The following ALKBH6 variants were observed in gnomAD, a reference collection of about 807,000 sequenced individuals.
ALKBH6 encodes the protein probable RNA/DNA demethylase ALKBH6.
Under a neutral mutation model 25.1 loss-of-function variants are expected in ALKBH6, and 20 were observed. The observed-to-expected ratio is 0.80, with a 90% CI of 0.56 to 1.16. The LOEUF (loss-of-function observed/expected upper bound fraction) is 1.16. ALKBH6 is among the 50% of genes most tolerant of loss of function. The probability of loss-of-function intolerance (pLI) is 0.00; values close to 1 mark genes in which losing one functional copy is unlikely to be tolerated. For synonymous variants in ALKBH6, 156 were observed against 147.5 expected, an observed-to-expected ratio of 1.06 and a Z score of -0.42; for missense variants, 263 against 326.5, an observed-to-expected ratio of 0.81 and a Z score of 1.50.
chr19:36,014,053 C>T, intron 1 of ALKBH6, 122 bp downstream of exon 1: 1 of 1,534,194 alleles, frequency 6.5e-7, no homozygotes, highest in Non-Finnish European at 8.7e-7. Context: ...AGATCCCCGA[C>T]TCCGAGCCTT....
In ALKBH6 at chr19:36,013,096, T is replaced by C; in HGVS notation, c.55-7A>G. 6.2e-7 allele frequency: 1 copy of C among 1,613,138 alleles called. No individual in the cohort carries two copies. Among genetic ancestry groups the C allele is most frequent in the Non-Finnish European group, 8.5e-7 (1 of 1,179,202 alleles). On this transcript the variant is annotated splice_polypyrimidine_tract_variant and splice_region_variant and intron_variant, in intron 2 of 6. Coordinates refer to ENST00000378875, the MANE Select transcript of ALKBH6 (RefSeq NM_032878.5). The surrounding 1 kb of genome is among the most constrained non-coding windows in gnomAD (Gnocchi z 4.6). ...AGTAGATTACAGGTGGTGCCTAGGA[T>C]AGAAAGACCCCCTGAAGGTGTGGCC... is the stretch of plus-strand genomic sequence containing the variant.
chr19:36,009,337 G>T lies in ALKBH6; in HGVS notation c.670C>A (p.Arg224Ser), dbSNP rs1005450239. The T allele has an allele frequency of 1.5e-6, 2 of 1,349,088 alleles. No homozygotes were observed. Among genetic ancestry groups the T allele is most frequent in the Non-Finnish European group, 1.9e-6 (2 of 1,048,164 alleles). 83.6% of individuals were successfully genotyped at this position (1,349,088 alleles called of 1,614,324 possible). ...GCGCGCAGCACGCGGGGCACGCGGC[G>T]GATGGTCAGCGAGACCCGGGTGCCG... ...VRGTRVSLTI[R>S]RVPRVLRAGL... is the part of the protein sequence containing the mutation. The change falls in exon 7 of 7, where the codon CGC becomes AGC. Residue 224 changes from arginine to serine, a missense_variant. Physicochemically the swap from Arg to Ser is moderately radical, Grantham distance 110. Around this residue, in one of 3 missense-constraint regions of ALKBH6, gnomAD observed 148 missense variants for 157.5 expected, o/e 0.94. Transcript: ENST00000378875.
rs758745205 is a variant in ALKBH6, at chr19:36,010,572, C to T, written c.448G>A (p.Glu150Lys). Reference sequence around the variant, plus strand: ...GGCAGTGTCTGGGGGCCCACCTGTTCTGTAGGGTCATCGTCCTCTGGCCGC... The same window carrying T: ...GGCAGTGTCTGGGGGCCCACCTGTTTTGTAGGGTCATCGTCCTCTGGCCGC... Reference protein sequence around the residue: ...PRRPEDDDPTEQPRPPPRPTT... With the variant: ...PRRPEDDDPTKQPRPPPRPTT... Residue 150 changes from glutamate to lysine, a missense_variant, in exon 6 of 7, where the codon GAA (glutamate) becomes AAA (lysine). Around this residue, in one of 3 missense-constraint regions of ALKBH6, gnomAD observed 148 missense variants for 157.5 expected, o/e 0.94. Transcript: ENST00000378875. The surrounding 1 kb of genome is among the most constrained non-coding windows in gnomAD (Gnocchi z 5.5). 2 of 1,613,504 alleles carry T rather than the reference C, an allele frequency of 1.2e-6. No individual in the cohort carries two copies. Among genetic ancestry groups the T allele is most frequent in the African/African-American group, 2.7e-5 (2 of 74,890 alleles).
In ALKBH6 at chr19:36,010,753, C is replaced by T; in HGVS notation, c.337-70G>A. Reference sequence around the variant, plus strand: ...CCCCACCCTCTGGGTCAAAGGGGGGCTTCCCAAGCCAGGGACAGGGAGGTG... The same window carrying T: ...CCCCACCCTCTGGGTCAAAGGGGGGTTTCCCAAGCCAGGGACAGGGAGGTG... On this transcript the variant is annotated intron_variant, in intron 5 of 6. Transcript: ENST00000378875. This position sits in a 1 kb window ranked among gnomAD's most constrained non-coding sequence, Gnocchi z 5.5. 1.9e-6 allele frequency: 3 copies of T among 1,573,318 alleles called. No homozygotes were observed. Among genetic ancestry groups the T allele is most frequent in the Non-Finnish European group, 2.6e-6 (3 of 1,145,314 alleles).
chr19:36,012,807 C>T (rs550958525), intron 3 of ALKBH6: 1 of 553,572 alleles, frequency 1.8e-6, no homozygotes, highest in African/African-American at 1.9e-5. Flanking sequence ...TCTCAATGAT[C>T]TGAACTGGGC....
Position 36,009,274 on chromosome 19 carries a change from G to A in ALKBH6, c.*16C>T. 1 of 1,335,220 alleles carries A rather than the reference G, an allele frequency of 7.5e-7. No individual in the cohort carries two copies. The highest frequency in any genetic ancestry group is 9.6e-7 in the Non-Finnish European group (1 of 1,043,820). 82.7% of individuals were successfully genotyped at this position (1,335,220 alleles called of 1,614,324 possible). The stretch of plus-strand genomic sequence containing the variant: ...GGGCAGGAACCTGGGAATCCGAGGG[G>A]TCCCGGCCCTGGCGGTCACTTGCCC... On this transcript the variant is annotated 3_prime_UTR_variant, in exon 7 of 7. Coordinates refer to ENST00000378875, the MANE Select transcript of ALKBH6 (RefSeq NM_032878.5).
intron 4 of ALKBH6, 162 bp from the exon 5 acceptor site, chr19:36,011,207 G>T: frequency 8.7e-7 from 1 of 1,148,838 alleles, no homozygotes; most frequent in Non-Finnish European, 1.2e-6. Context: ...CAGACCACAG[G>T]TCCCTTTCAG....
intron 3 of ALKBH6, 36 bp from the exon 4 acceptor site, chr19:36,011,500 A>T: frequency 6.2e-7 from 1 of 1,610,368 alleles, no homozygotes; most frequent in South Asian, 1.1e-5. Flanking sequence ...CTTTCTCAGG[A>T]TCACCCCTCT....
rs1212920581 is a variant in ALKBH6, at chr19:36,013,972, T to C, written c.-26+203A>G. ...TCGGATTTCCCCTCCTGAGCGCCCC[T>C]TCACTCCAGCACCCTGAGATCTTTA... On this transcript the variant is annotated intron_variant, in intron 1 of 6. Transcript: ENST00000378875. This position sits in a 1 kb window ranked among gnomAD's most constrained non-coding sequence, Gnocchi z 4.6. 5 of 1,384,366 alleles carry C rather than the reference T, an allele frequency of 3.6e-6. No individual in the cohort carries two copies. In the African/African-American group the frequency reaches 7.6e-5, roughly 21 times the overall value. 85.8% of individuals were successfully genotyped at this position (1,384,366 alleles called of 1,614,324 possible).
chr19:36,010,397 G>A lies in ALKBH6; in HGVS notation c.453+170C>T, dbSNP rs1364165010. ...GGCATGTGGGACAGACACCCTGTAAGCAGATGGGTTGGGTGTCTGGGAGGA... is the reference window on the plus strand; with the variant it reads ...GGCATGTGGGACAGACACCCTGTAAACAGATGGGTTGGGTGTCTGGGAGGA... On this transcript the variant is annotated intron_variant, in intron 6 of 6. Coordinates refer to ENST00000378875, the MANE Select transcript of ALKBH6 (RefSeq NM_032878.5). The surrounding 1 kb of genome is among the most constrained non-coding windows in gnomAD (Gnocchi z 5.5). The A allele has an allele frequency of 1.5e-6, 1 of 670,480 alleles. No homozygotes were observed. The highest frequency in any genetic ancestry group is 1.8e-5 in the African/African-American group (1 of 56,090). The allele number at this position is 670,480 out of a possible 1,614,324, so 41.5% of individuals were successfully genotyped here. A position where few individuals can be genotyped will look rare whatever the true frequency, so the allele number is the denominator to read the frequency against.
chr19:36,010,519 C>A lies in ALKBH6; in HGVS notation c.453+48G>T. The stretch of plus-strand genomic sequence containing the variant: ...GGACCAGGTCATCTTGGAGGATGTG[C>A]GAGGTTGAAGTGCCTACAAGCAGCT... On this transcript the variant is annotated intron_variant, in intron 6 of 6. Transcript: ENST00000378875. This position sits in a 1 kb window ranked among gnomAD's most constrained non-coding sequence, Gnocchi z 5.5. 1 of 1,502,150 alleles carries A rather than the reference C, an allele frequency of 6.7e-7. No individual in the cohort carries two copies. 93.1% of individuals were successfully genotyped at this position (1,502,150 alleles called of 1,614,324 possible).
chr19:36,013,456 G>A lies in ALKBH6; in HGVS notation c.-25-34C>T. 1 of 1,612,540 alleles carries A rather than the reference G, an allele frequency of 6.2e-7. No individual in the cohort carries two copies. Among genetic ancestry groups the A allele is most frequent in the Non-Finnish European group, 8.5e-7 (1 of 1,179,184 alleles). ...AGGGGAGGACATACTGAAGTCACTA[G>A]GCCTCCCGCCCTAACACCATGATGC... On this transcript the variant is annotated intron_variant, in intron 1 of 6. Coordinates refer to ENST00000378875, the MANE Select transcript of ALKBH6 (RefSeq NM_032878.5). The surrounding 1 kb of genome is among the most constrained non-coding windows in gnomAD (Gnocchi z 4.6).
chr19:36,013,812 G>A lies in ALKBH6; in HGVS notation c.-26+363C>T. The stretch of plus-strand genomic sequence containing the variant: ...GAGACCCCGCTTCAGACCTGCAACT[G>A]TGAGCCCGGCTATCAACACTCAGCG... On this transcript the variant is annotated intron_variant, in intron 1 of 6. Transcript: ENST00000378875. This position sits in a 1 kb window ranked among gnomAD's most constrained non-coding sequence, Gnocchi z 4.6. The A allele has an allele frequency of 7.8e-7, 1 of 1,279,136 alleles. No individual in the cohort carries two copies. Among genetic ancestry groups the A allele is most frequent in the Non-Finnish European group, 9.9e-7 (1 of 1,011,992 alleles). The allele number at this position is 1,279,136 out of a possible 1,614,324, so 79.2% of individuals were successfully genotyped here. A position where few individuals can be genotyped will look rare whatever the true frequency, so the allele number is the denominator to read the frequency against.
At chr19:36,009,821 C>T (rs1158364238) in intron 6 of ALKBH6, among the ~76,000 whole-genome samples, 1 of 151,832 alleles carries the variant, frequency 6.6e-6, no homozygotes, top group Non-Finnish European at 1.5e-5. Flanking sequence ...GGTCAGCGGC[C>T]GGTGGGAGCT....
At chr19:36,012,966 T>G in intron 3 of ALKBH6, 55 bp downstream of exon 3, 3 of 1,522,674 alleles carry the variant, frequency 2.0e-6, no homozygotes, top group Non-Finnish European at 2.7e-6. Flanking sequence ...AGGATGGACA[T>G]TGGGGAGGAA....
rs3204366 is a variant in ALKBH6, at chr19:36,010,655, G to T, written c.365C>A (p.Pro122Gln). ...MPHEDGPLYY[P>Q]TVSTISLGSH... Reference sequence around the variant, plus strand: ...GCCCAGGCTGATGGTGCTGACAGTCGGGTAGTACAGTGGTCCGTCCTCGTG... The same window carrying T: ...GCCCAGGCTGATGGTGCTGACAGTCTGGTAGTACAGTGGTCCGTCCTCGTG... The change falls in exon 6 of 7, where the codon CCG (proline) becomes CAG (glutamine). Residue 122 changes from proline (P) to glutamine (Q), a missense_variant. Physicochemically the swap from Pro to Gln is moderately conservative, Grantham distance 76 (BLOSUM62 -1). This residue lies in a region of ALKBH6 where 112 missense variants were observed against 153.0 expected (regional missense o/e 0.73). Transcript: ENST00000378875. This position sits in a 1 kb window ranked among gnomAD's most constrained non-coding sequence, Gnocchi z 5.5. The T allele has an allele frequency of 1.2e-6, 2 of 1,613,988 alleles. No individual in the cohort carries two copies. The highest frequency in any genetic ancestry group is 1.7e-6 in the Non-Finnish European group (2 of 1,179,928).
intron 3 of ALKBH6, chr19:36,011,841 T>G (rs556886889): frequency 1.2e-5 from 2 of 169,204 alleles, no homozygotes; most frequent in African/African-American, 4.8e-5. Flanking sequence ...ATCCCAGCAC[T>G]TTGGGAGGCC....
intron 1 of ALKBH6, 84 bp downstream of exon 1, chr19:36,014,091 G>A (rs1440352391): frequency 6.3e-6 from 10 of 1,586,610 alleles, no homozygotes; most frequent in Middle Eastern, 1.7e-4. Context: ...GAGCCTCCTC[G>A]GACTCCTACT....
At chr19:36,012,756 C>A (rs1433272297) in intron 3 of ALKBH6, 2 of 457,246 alleles carry the variant, frequency 4.4e-6, no homozygotes, top group African/African-American at 3.9e-5. Context: ...ACTGGGCTAT[C>A]TCAGCACAGA....
Sources: allele counts gnomAD v4.1 joint callset (sites outside exome capture counted in the v4.1 genomes callset), GRCh38; gene constraint gnomAD v4.1.1; regional missense constraint gnomAD v4.1.1; non-coding constraint Gnocchi (gnomAD v3.1); transcripts MANE v1.5; gene names NCBI Gene and HGNC (gene_info 2026-07-23, HGNC 2026-07-21).